The following OR51B5 variants were observed in gnomAD, a reference collection of about 807,000 sequenced individuals.
The protein encoded by OR51B5 is olfactory receptor family 51 subfamily B member 5.
For missense variants in OR51B5, 456 were observed against 374.6 expected (o/e 1.22, Z -1.79); for synonymous variants, 186 against 144.8 (o/e 1.28, Z -2.04).
At chr11:5,477,453 A>G (rs422171) in intron 1 of OR51B5, among the ~76,000 whole-genome samples, 140,372 of 152,186 alleles carry the variant, frequency 0.92, 65,147 homozygotes, top group South Asian at 0.99. Context: ...CTCAAAATCT[A>G]TCCTCTTTCT....
intron 1 of OR51B5, among the ~76,000 whole-genome samples, chr11:5,447,902 C>T (rs1372209070): frequency 6.6e-6 from 1 of 152,140 alleles, no homozygotes; most frequent in Non-Finnish European, 1.5e-5. Flanking sequence ...CCCCTCAACC[C>T]CCATCTCAGA....
intron 1 of OR51B5, among the ~76,000 whole-genome samples, chr11:5,412,976 G>A (rs1442195010): frequency 6.6e-6 from 1 of 152,106 alleles, no homozygotes; most frequent in Non-Finnish European, 1.5e-5. Flanking sequence ...TCTGAGGATG[G>A]GCAGACTGCC....
At chr11:5,371,518 T>A (rs1156678687) in intron 1 of OR51B5, among the ~76,000 whole-genome samples, 1 of 152,062 alleles carries the variant, frequency 6.6e-6, no homozygotes, top group Non-Finnish European at 1.5e-5. Flanking sequence ...AACATATATC[T>A]CATTATATCC....
intron 1 of OR51B5, among the ~76,000 whole-genome samples, chr11:5,427,298 A>C (rs1850465574): frequency 6.6e-6 from 1 of 152,264 alleles, no homozygotes; most frequent in Non-Finnish European, 1.5e-5. Context: ...GAATCTTCAC[A>C]GAGAATGAAA....
At chr11:5,357,329 A>G (rs11036978) in intron 1 of OR51B5, among the ~76,000 whole-genome samples, 54,070 of 147,570 alleles carry the variant, frequency 0.37, 10,181 homozygotes, top group Non-Finnish European at 0.4. Flanking sequence ...TGCAATCCTC[A>G]TCTCTGATAA....
chr11:5,349,757 C>T (rs915685181), intron 1 of OR51B5, among the ~76,000 whole-genome samples: 8 of 152,114 alleles, frequency 5.3e-5, no homozygotes, highest in Admixed American at 3.9e-4. Flanking sequence ...AATAATACCT[C>T]CTTTTCTCAC....
intron 1 of OR51B5, chr11:5,402,662 G>A: frequency 2.1e-6 from 1 of 471,282 alleles, no homozygotes; most frequent in South Asian, 1.5e-5. Context: ...GCATCCCAGG[G>A]CTGGAGTCAG....
intron 1 of OR51B5, among the ~76,000 whole-genome samples, chr11:5,470,120 G>C (rs550356019): frequency 6.6e-6 from 1 of 152,120 alleles, no homozygotes; most frequent in African/African-American, 2.4e-5. Flanking sequence ...ATTTTAAGAA[G>C]CATTAAAATA....
intron 1 of OR51B5, chr11:5,355,095 G>C (rs754361453): frequency 1.3e-4 from 23 of 181,108 alleles, no homozygotes; most frequent in Non-Finnish European, 2.0e-4. Flanking sequence ...ACATCACCAA[G>C]TGCAGCAGGA....
chr11:5,345,673 A>G (rs530436953), upstream of OR51B5: 2 of 152,204 alleles, frequency 1.3e-5, no homozygotes, highest in African/African-American at 4.8e-5. Context: ...TTTTATCCTA[A>G]GTTAAAAAGA....
intron 1 of OR51B5, among the ~76,000 whole-genome samples, chr11:5,437,690 A>T (rs1850611270): frequency 6.6e-6 from 1 of 152,224 alleles, no homozygotes; most frequent in South Asian, 2.1e-4. Flanking sequence ...AGGAAGTCAT[A>T]GGTTTGTTTC....
At chr11:5,387,397 T>C (rs927007132) in intron 1 of OR51B5, among the ~76,000 whole-genome samples, 1 of 152,134 alleles carries the variant, frequency 6.6e-6, no homozygotes, top group African/African-American at 2.4e-5. Flanking sequence ...AAAAACATTA[T>C]AGGGTGGTTG....
intron 1 of OR51B5, among the ~76,000 whole-genome samples, chr11:5,462,836 G>C (rs1477374073): frequency 1.3e-5 from 2 of 152,168 alleles, no homozygotes; most frequent in Admixed American, 6.5e-5. Flanking sequence ...AGACAACTGA[G>C]GAGAGCATTT....
chr11:5,410,886 T>C (rs1167693386), intron 1 of OR51B5, among the ~76,000 whole-genome samples: 1 of 152,028 alleles, frequency 6.6e-6, no homozygotes, highest in Non-Finnish European at 1.5e-5. Flanking sequence ...ATGTGTAAAA[T>C]AAGGATGTAA....
At chr11:5,355,795 T>C (rs951660756) in intron 1 of OR51B5, among the ~76,000 whole-genome samples, 14 of 150,700 alleles carry the variant, frequency 9.3e-5, no homozygotes, top group Admixed American at 5.9e-4. Flanking sequence ...TCAAGGGGTA[T>C]AGGGTAGCAA....
intron 1 of OR51B5, among the ~76,000 whole-genome samples, chr11:5,358,418 A>G (rs946478624): frequency 3.3e-5 from 5 of 152,234 alleles, no homozygotes; most frequent in African/African-American, 1.2e-4. Context: ...TCCTTGACAC[A>G]TACACCCTCC....
chr11:5,363,357 TTG>T (rs796941828), intron 1 of OR51B5, among the ~76,000 whole-genome samples: 35,822 of 146,336 alleles, frequency 0.24, 5,597 homozygotes, highest in African/African-American at 0.27. Flanking sequence ...TTTTTGGTTT[TTG>T]TTTTTTTTTA....
At position 5,413,732 on chromosome 11, in the gene OR51B5, A is replaced by C. The variant is rs535504989; in HGVS notation, n.85-66822T>G. On this transcript the variant is annotated intron_variant and non_coding_transcript_variant, in intron 1 of 4. Coordinates refer to the OR51B5 transcript ENST00000415970. ...ATGAAGCAAGAAGAGAAGTTTAGAGAAAAAAGAATAAAAAGAAACGAGCAA... is the reference window on the plus strand; with the variant it reads ...ATGAAGCAAGAAGAGAAGTTTAGAGCAAAAAGAATAAAAAGAAACGAGCAA... Among the ~76,000 whole-genome samples the C allele has an allele frequency of 2.6e-5, 4 of 152,230 alleles. No individual in the cohort carries two copies. In the South Asian group the frequency reaches 6.2e-4, roughly 24 times the overall value.
At chr11:5,472,810 G>T (rs1371166114) in intron 1 of OR51B5, among the ~76,000 whole-genome samples, 1 of 152,238 alleles carries the variant, frequency 6.6e-6, no homozygotes, top group Non-Finnish European at 1.5e-5. Flanking sequence ...CTCAGATTAG[G>T]GTTCTTTCCA....
Sources: allele counts gnomAD v4.1 joint callset (sites outside exome capture counted in the v4.1 genomes callset), GRCh38; gene constraint gnomAD v4.1.1; transcripts MANE v1.5; gene names NCBI Gene and HGNC (gene_info 2026-07-23, HGNC 2026-07-21).